CMTR1: variants seen among roughly 807,000 people sequenced by gnomAD.
CMTR1 encodes cap methyltransferase 1, also known as cap-specific mRNA (nucleoside-2'-O-)-methyltransferase 1.
Under a neutral mutation model 107.0 loss-of-function variants are expected in CMTR1, and 39 were observed. The ratio of observed to expected loss-of-function variants is 0.36; its 90% CI spans 0.28 to 0.48. The LOEUF (loss-of-function observed/expected upper bound fraction) is 0.48. Among genes scored for constraint, CMTR1 ranks in the 20% least tolerant of loss-of-function variants. The pLI is 0.99. For synonymous variants in CMTR1, 366 were observed against 379.5 expected, an observed-to-expected ratio of 0.96 and a Z score of 0.41; for missense variants, 672 against 1,064.9, an observed-to-expected ratio of 0.63 and a Z score of 5.14.
At chr6:37,435,550 C>T in intron 1 of CMTR1, 74 bp from the exon 2 acceptor site, 1 of 1,499,114 alleles carries the variant, frequency 6.7e-7, no homozygotes, top group Non-Finnish European at 8.9e-7. Flanking sequence ...TGATGATTTA[C>T]ACTTTGGAAT....
chr6:37,474,588 C>T lies in CMTR1; in HGVS notation c.1886C>T (p.Thr629Ile), dbSNP rs1215793786. The T allele has an allele frequency of 7.4e-6, 12 of 1,614,040 alleles. No homozygotes were observed. In the African/African-American group the frequency reaches 1.5e-4, roughly 20 times the overall value. The change falls in exon 18 of 24, where the codon ACA (threonine) becomes ATA (isoleucine). Residue 629 changes from threonine to isoleucine, a missense_variant. By Grantham distance (89) the Thr-to-Ile change is moderately conservative (BLOSUM62 -1). Transcript: ENST00000373451. ...CGCTGGATCAAGCTAGACCTGAAGA[C>T]AGAGCTGCCCCGGGACACTCTGCTA... ...SDRWIKLDLK[T>I]ELPRDTLLSV...
intron 3 of CMTR1, among the ~76,000 whole-genome samples, chr6:37,444,822 C>T (rs1463801974): frequency 1.3e-5 from 2 of 151,998 alleles, no homozygotes; most frequent in Non-Finnish European, 2.9e-5. Context: ...GTCAGGAGTT[C>T]AAGACCAGCC....
upstream of CMTR1, among the ~76,000 whole-genome samples, chr6:37,431,012 C>CAAAAA (rs34543353): frequency 2.0e-5 from 1 of 50,306 alleles, no homozygotes; most frequent in Non-Finnish European, 4.2e-5. Context: ...GACTCCGTCT[C>CAAAAA]AAAAAAAAAA....
At chr6:37,428,011 A>AGAG in the CMTR1 span, among the ~76,000 whole-genome samples, 1 of 32,862 alleles carries the variant, frequency 3.0e-5, no homozygotes, top group African/African-American at 1.7e-4. Flanking sequence ...ACAGAGACAG[A>AGAG]GAGAGAGAGA....
chr6:37,474,017 G>C (rs1761681983), intron 17 of CMTR1, among the ~76,000 whole-genome samples: 1 of 152,212 alleles, frequency 6.6e-6, no homozygotes, highest in African/African-American at 2.4e-5. Context: ...CTAAAGTGAG[G>C]TGAGGGAAAG....
intron 4 of CMTR1, among the ~76,000 whole-genome samples, chr6:37,449,588 C>T (rs1022630807): frequency 3.3e-5 from 5 of 152,164 alleles, no homozygotes; most frequent in South Asian, 2.1e-4. Context: ...GGATTACAGG[C>T]GTGAGCCACC....
At chr6:37,428,258 A>G (rs997358241), upstream of CMTR1, among the ~76,000 whole-genome samples, 1 of 152,222 alleles carries the variant, frequency 6.6e-6, no homozygotes, top group Admixed American at 6.5e-5. Flanking sequence ...GGGTGGTGTC[A>G]TTGCAAGTTT....
At position 37,435,766 on chromosome 6, in the gene CMTR1, C is replaced by A. The variant is rs548416594; in HGVS notation, c.133+4C>A. 1 of 1,586,950 alleles carries A rather than the reference C, an allele frequency of 6.3e-7. No homozygotes were observed. Among genetic ancestry groups the A allele is most frequent in the South Asian group, 1.2e-5 (1 of 86,142 alleles). ...TCTGTCAGTCATGGAGCAAAAGGTA[C>A]GTGTGCTTGTGTGGTCTGAGGCCAC... On this transcript the variant is annotated splice_donor_region_variant and intron_variant, in intron 2 of 23. Coordinates refer to ENST00000373451, the MANE Select transcript of CMTR1 (RefSeq NM_015050.3).
At position 37,481,009 on chromosome 6, in the gene CMTR1, C is replaced by G. The variant is rs1761843071; in HGVS notation, c.*864C>G. ...CCAGGGGTTTGGGTAGCGCTGCCCT[C>G]TGGCAGTCATGCACCGCTGTCTGCC... is the stretch of plus-strand genomic sequence containing the variant. On this transcript the variant is annotated 3_prime_UTR_variant, in exon 24 of 24. Transcript: ENST00000373451. 7.7e-7 allele frequency: 1 copy of G among 1,302,954 alleles called. No individual in the cohort carries two copies. Among genetic ancestry groups the G allele is most frequent in the Non-Finnish European group, 1.0e-6 (1 of 988,548 alleles). The allele number at this position is 1,302,954 out of a possible 1,614,324, so 80.7% of individuals were successfully genotyped here.
At chr6:37,425,310 T>C in the CMTR1 span, among the ~76,000 whole-genome samples, 13 of 149,564 alleles carry the variant, frequency 8.7e-5, no homozygotes, top group African/African-American at 2.0e-4. Flanking sequence ...TTTTTTTTTT[T>C]CCCCGAGACA....
At chr6:37,470,617 T>A (rs1016426119) in intron 13 of CMTR1, among the ~76,000 whole-genome samples, 3 of 152,222 alleles carry the variant, frequency 2.0e-5, no homozygotes, top group Non-Finnish European at 4.4e-5. Flanking sequence ...ATAATTTTTT[T>A]ATTAAATGCC....
intron 9 of CMTR1, 34 bp from the exon 10 acceptor site, chr6:37,459,532 A>G: frequency 6.4e-7 from 1 of 1,567,032 alleles, no homozygotes; most frequent in African/African-American, 1.3e-5. Flanking sequence ...TGTATAGGGC[A>G]GATGAACTCA....
chr6:37,450,240 T>C lies in CMTR1; in HGVS notation c.445-11T>C. The C allele has an allele frequency of 3.1e-6, 5 of 1,612,440 alleles. No individual in the cohort carries two copies. Among genetic ancestry groups the C allele is most frequent in the Non-Finnish European group, 4.2e-6 (5 of 1,178,548 alleles). ...TCATATCTGTCTTACTAGCCTCTCT[T>C]TTGTTTGCAGCCCAGTGCTTGTGAG... On this transcript the variant is annotated splice_polypyrimidine_tract_variant and intron_variant, in intron 4 of 23. Coordinates refer to ENST00000373451, the MANE Select transcript of CMTR1 (RefSeq NM_015050.3).
intron 13 of CMTR1, 103 bp downstream of exon 13, chr6:37,463,111 GAC>G: frequency 8.1e-7 from 1 of 1,241,494 alleles, no homozygotes; most frequent in South Asian, 1.3e-5. Flanking sequence ...TGTCAACCCT[GAC>G]AAATTGGCAA....
At chr6:37,478,361 A>T in intron 21 of CMTR1, 48 bp from the exon 22 acceptor site, 1 of 1,419,192 alleles carries the variant, frequency 7.0e-7, no homozygotes, top group Non-Finnish European at 1.0e-6. Context: ...TAATTTTATC[A>T]GCCAGGGCCT....
At chr6:37,474,798 G>A (rs1025965207) in intron 18 of CMTR1, 152 bp downstream of exon 18, 3 of 1,207,164 alleles carry the variant, frequency 2.5e-6, no homozygotes, top group African/African-American at 3.0e-5. Context: ...ACTCCTCCCC[G>A]AGCAGTTGCT....
chr6:37,471,076 A>T lies in CMTR1; in HGVS notation c.1561A>T (p.Thr521Ser), dbSNP rs779759438. The change falls in exon 14 of 24, where the codon ACG (threonine) becomes TCG (serine). Residue 521 changes from threonine to serine, a missense_variant and splice_region_variant. Physicochemically the swap from Thr to Ser is moderately conservative, Grantham distance 58. This residue lies in a region of CMTR1 where 583 missense variants were observed against 968.4 expected (regional missense o/e 0.60). Transcript: ENST00000373451. ...LAKIHAFVQD[T>S]TLSEPRQAEI... is the part of the protein sequence containing the mutation. ...GAAAATCCATGCCTTTGTTCAAGACACGTGAGTGTTGCCCACTTTTCAGAA... is the reference window on the plus strand; with the variant it reads ...GAAAATCCATGCCTTTGTTCAAGACTCGTGAGTGTTGCCCACTTTTCAGAA... 1.2e-6 allele frequency: 2 copies of T among 1,602,400 alleles called. No individual in the cohort carries two copies. The highest frequency in any genetic ancestry group is 1.7e-6 in the Non-Finnish European group (2 of 1,173,138).
intron 2 of CMTR1, among the ~76,000 whole-genome samples, chr6:37,441,986 C>T (rs574477321): frequency 3.3e-5 from 5 of 152,308 alleles, no homozygotes; most frequent in African/African-American, 1.2e-4. Context: ...CAAAATTTAT[C>T]CTTGCTAACT....
At chr6:37,438,800 C>T (rs1313059925) in intron 2 of CMTR1, among the ~76,000 whole-genome samples, 1 of 152,176 alleles carries the variant, frequency 6.6e-6, no homozygotes, top group Non-Finnish European at 1.5e-5. Context: ...GTATCTAATT[C>T]TCTTAGGTGT....
Sources: gnomAD v4.1 joint callset for allele counts (sites outside exome capture counted in the v4.1 genomes callset) on GRCh38, gnomAD v4.1.1 for gene constraint, gnomAD v4.1.1 regional missense constraint, MANE v1.5 for transcripts, NCBI Gene and HGNC (gene_info 2026-07-23, HGNC 2026-07-21) for gene names.